The following EDA variants were observed in gnomAD, a reference collection of about 807,000 sequenced individuals.
EDA encodes ectodysplasin-A.
A neutral mutation model predicts 23.6 loss-of-function variants in EDA; 2 were observed. The ratio of observed to expected loss-of-function variants is 0.08; its 90% confidence interval spans 0.03 to 0.27. The LOEUF (loss-of-function observed/expected upper bound fraction) is 0.27, where lower values mean the gene tolerates loss of function less well. Ranked by LOEUF, EDA falls within the 10% of genes least tolerant of loss-of-function variation. The pLI, the probability that EDA is intolerant of heterozygous loss-of-function variation, is 1.00. For synonymous variants in EDA, 131 were observed against 132.0 expected, an observed-to-expected ratio of 0.99 and a Z score of 0.05; for missense variants, 229 against 324.2, an observed-to-expected ratio of 0.71 and a Z score of 2.26.
At chrX:69,924,190 T>C (rs1413691713) in intron 1 of EDA, among the ~76,000 whole-genome samples, 1 of 112,063 alleles carries the variant, frequency 8.9e-6, no homozygotes, top group African/African-American at 3.2e-5. Flanking sequence ...TTTGTCAATT[T>C]TGGCTTTTGT....
In EDA at chrX:69,874,481, A is replaced by G. The variant is rs1322328960; in HGVS notation, c.397-82546A>G. ...AAAACCCTCAGCAAAATCAGCATAC[A>G]AGGGACATACCTTAAGATAATAAAG... On this transcript the variant is annotated intron_variant, in intron 1 of 7. Coordinates refer to ENST00000374552, the MANE Select transcript of EDA (RefSeq NM_001399.5). Among the ~76,000 whole-genome samples, 3 of 111,874 alleles carry G rather than the reference A, an allele frequency of 2.7e-5. No individual in the cohort carries two copies. The East Asian group carries it at 8.4e-4, about 31-fold the overall frequency.
intron 1 of EDA, among the ~76,000 whole-genome samples, chrX:69,867,772 G>A (rs1205501783): frequency 8.9e-6 from 1 of 112,135 alleles, no homozygotes; most frequent in Non-Finnish European, 1.9e-5. Flanking sequence ...CTGGGGGAGA[G>A]AAGGTAGGGT....
chrX:69,644,620 G>T (rs761053337), intron 1 of EDA, among the ~76,000 whole-genome samples: 1 of 110,765 alleles, frequency 9.0e-6, no homozygotes, highest in South Asian at 3.8e-4. Context: ...TCTCTTGCCT[G>T]ATTGCCCTGG....
chrX:69,991,308 T>A (rs2019586133), intron 2 of EDA, among the ~76,000 whole-genome samples: 1 of 111,619 alleles, frequency 9.0e-6, no homozygotes, highest in African/African-American at 3.3e-5. Flanking sequence ...TTTAAGCACT[T>A]TTTAAGTACA....
intron 1 of EDA, among the ~76,000 whole-genome samples, chrX:69,769,140 G>A (rs987883961): frequency 9.0e-6 from 1 of 111,398 alleles, no homozygotes; most frequent in Non-Finnish European, 1.9e-5. Context: ...GGGCAGTTGT[G>A]TACTCGTCAA....
chrX:69,649,589 C>T (rs866617754), intron 1 of EDA, among the ~76,000 whole-genome samples: 17 of 98,722 alleles, frequency 1.7e-4, no homozygotes, highest in African/African-American at 4.5e-4. Flanking sequence ...GAAATACAGT[C>T]TTTTTTTTTT....
chrX:70,011,836 A>G (rs1402966462), intron 2 of EDA, among the ~76,000 whole-genome samples: 2 of 111,687 alleles, frequency 1.8e-5, no homozygotes, highest in African/African-American at 6.5e-5. Context: ...ATTTTGTATG[A>G]TTGATCCTCA....
chrX:69,773,665 C>T (rs1017433547), intron 1 of EDA, among the ~76,000 whole-genome samples: 1 of 111,204 alleles, frequency 9.0e-6, no homozygotes, highest in Non-Finnish European at 1.9e-5. Flanking sequence ...TTTGCATTCA[C>T]CTAATGATTA....
chrX:69,682,225 G>T (rs1348946607), intron 1 of EDA, among the ~76,000 whole-genome samples: 3 of 112,216 alleles, frequency 2.7e-5, no homozygotes, highest in Non-Finnish European at 5.6e-5. Context: ...TCTCTTCAAA[G>T]CTGTCAGACA....
At chrX:69,998,880 A>G (rs1319501097) in intron 2 of EDA, among the ~76,000 whole-genome samples, 1 of 111,428 alleles carries the variant, frequency 9.0e-6, no homozygotes, top group Non-Finnish European at 1.9e-5. Context: ...AGGCCTCCCC[A>G]GCCACGTGGA....
chrX:69,990,191 G>A (rs1042190451), intron 2 of EDA, among the ~76,000 whole-genome samples: 1 of 110,203 alleles, frequency 9.1e-6, no homozygotes, highest in African/African-American at 3.3e-5. Flanking sequence ...ATTTAAACCC[G>A]CTTTAGTTAA....
At chrX:69,638,399 A>G in intron 1 of EDA, among the ~76,000 whole-genome samples, 1 of 112,264 alleles carries the variant, frequency 8.9e-6, no homozygotes, top group Non-Finnish European at 1.9e-5. Flanking sequence ...TTTTAACCCC[A>G]GTTTGAGGGA....
chrX:69,675,926 A>G (rs2147272957), intron 1 of EDA, among the ~76,000 whole-genome samples: 1 of 111,615 alleles, frequency 9.0e-6, no homozygotes, highest in East Asian at 2.8e-4. Flanking sequence ...GGAGGCAGTC[A>G]GGAAAGAGCC....
intron 1 of EDA, among the ~76,000 whole-genome samples, chrX:69,920,201 T>A (rs2018408306): frequency 1.8e-5 from 2 of 111,046 alleles, no homozygotes; most frequent in South Asian, 7.6e-4. Context: ...TGCAATATTT[T>A]AAATAAAATT....
At chrX:69,889,661 A>G (rs1208219309) in intron 1 of EDA, among the ~76,000 whole-genome samples, 1 of 111,526 alleles carries the variant, frequency 9.0e-6, no homozygotes, top group East Asian at 2.8e-4. Context: ...ATTTATATGG[A>G]TTCTTTATAT....
chrX:69,699,436 G>T (rs146624479), intron 1 of EDA, among the ~76,000 whole-genome samples: 1 of 111,388 alleles, frequency 9.0e-6, no homozygotes, highest in Non-Finnish European at 1.9e-5. Flanking sequence ...TATGAATAGA[G>T]CATACACTTG....
chrX:69,777,220 A>G (rs1208276682), intron 1 of EDA, among the ~76,000 whole-genome samples: 4 of 109,684 alleles, frequency 3.6e-5, no homozygotes, highest in Admixed American at 9.9e-5. Flanking sequence ...GAGGTTAAAC[A>G]TGCTGGTTTG....
At chrX:69,707,628 T>C (rs1159927414) in intron 1 of EDA, among the ~76,000 whole-genome samples, 4 of 111,772 alleles carry the variant, frequency 3.6e-5, no homozygotes, top group Non-Finnish European at 5.6e-5. Flanking sequence ...GTTTTCCCAC[T>C]GTGCCCACTG....
At chrX:69,681,364 G>A (rs2147283477) in intron 1 of EDA, among the ~76,000 whole-genome samples, 1 of 109,892 alleles carries the variant, frequency 9.1e-6, no homozygotes, top group African/African-American at 3.3e-5. Context: ...TCTGAACGTT[G>A]GCCTGCTTTG....
Sources: allele counts gnomAD v4.1 joint callset (sites outside exome capture counted in the v4.1 genomes callset), GRCh38; gene constraint gnomAD v4.1.1; transcripts MANE v1.5; gene names NCBI Gene and HGNC (gene_info 2026-07-23, HGNC 2026-07-21).